The following NIN variants were observed in gnomAD, a reference collection of about 807,000 sequenced individuals.
NIN encodes ninein, also known as glycogen synthase kinase 3 beta-interacting protein.
NIN carries 137 observed loss-of-function variants against 257.6 expected under a neutral mutation model. That is an observed-to-expected ratio of 0.53 (90% CI 0.46 to 0.61). NIN has a LOEUF of 0.61. Ranked by LOEUF, NIN falls within the 20% of genes least tolerant of loss-of-function variation. NIN has a pLI of 0.00. For synonymous variants in NIN, 918 were observed against 919.8 expected (o/e 1.00, Z 0.04); for missense variants, 2,439 against 2,501.2 (o/e 0.98, Z 0.53).
At position 50,792,953 on chromosome 14, in the gene NIN, C is replaced by T. The variant is rs539077910; in HGVS notation, c.266-72G>A. On this transcript the variant is annotated intron_variant, in intron 4 of 30. Coordinates refer to ENST00000530997, the MANE Select transcript of NIN (RefSeq NM_020921.4). The stretch of plus-strand genomic sequence containing the variant: ...GTTCTTAGCTGCCACTCACAGCCAT[C>T]GGACACAGCCTCTTATACCAACCTC... 1.7e-4 allele frequency: 246 copies of T among 1,490,184 alleles called. No individual in the cohort carries two copies. In the African/African-American group the frequency reaches 2.7e-3, roughly 16 times the overall value. 92.3% of individuals were successfully genotyped at this position (1,490,184 alleles called of 1,614,324 possible).
chr14:50,728,604 A>G lies in NIN; in HGVS notation c.6078+919T>C, dbSNP rs2040532171. On this transcript the variant is annotated intron_variant, in intron 29 of 30. Coordinates refer to ENST00000530997, the MANE Select transcript of NIN (RefSeq NM_020921.4). ...CTTGTCAAGCATTAACTGAGTGGCAAGGTATCTGAACACACAAGCGCATGC... is the reference window on the plus strand; with the variant it reads ...CTTGTCAAGCATTAACTGAGTGGCAGGGTATCTGAACACACAAGCGCATGC... 5.9e-5 allele frequency among the ~76,000 whole-genome samples: 9 copies of G among 152,358 alleles called. No homozygotes were observed. The South Asian group carries it at 1.7e-3, about 28-fold the overall frequency.
At chr14:50,738,409 G>T in intron 26 of NIN, 123 bp from the exon 27 acceptor site, 1 of 811,382 alleles carries the variant, frequency 1.2e-6, no homozygotes, top group Admixed American at 2.8e-5. Flanking sequence ...TTTCAATCAA[G>T]CCTGTAAATA....
chr14:50,818,575 T>C (rs935442979), intron 3 of NIN, among the ~76,000 whole-genome samples: 3 of 152,172 alleles, frequency 2.0e-5, no homozygotes, highest in East Asian at 3.8e-4. Flanking sequence ...TTCGGTGTCT[T>C]GAGAAGCCCC....
intron 17 of NIN, among the ~76,000 whole-genome samples, chr14:50,759,571 G>A (rs1214089175): frequency 1.3e-5 from 2 of 151,400 alleles, no homozygotes; most frequent in Non-Finnish European, 2.9e-5. Flanking sequence ...TCGGCTCACT[G>A]CAAGCTCCGC....
chr14:50,757,660 CTGTT>C lies in NIN; in HGVS notation c.3366_3369del (p.Thr1123SerfsTer12). 1 of 1,614,158 alleles carries C rather than the reference CTGTT, an allele frequency of 6.2e-7. No homozygotes were observed. Among genetic ancestry groups the C allele is most frequent in the Non-Finnish European group, 8.5e-7 (1 of 1,180,020 alleles). ...GTTCGGTTTTGCTGTAAAAACTGCT[CTGTT>C]TGTTCCGCAGTATTTCCAAAAAACT... On this transcript the variant is annotated frameshift_variant, in exon 18 of 31. Transcript: ENST00000530997. LOFTEE classifies it high-confidence loss of function.
chr14:50,776,043 A>G (rs1046267033), intron 7 of NIN, among the ~76,000 whole-genome samples: 1 of 152,136 alleles, frequency 6.6e-6, no homozygotes, highest in East Asian at 1.9e-4. Context: ...AAATATTTCT[A>G]TTATCTGTTT....
intron 12 of NIN, among the ~76,000 whole-genome samples, chr14:50,767,962 T>C (rs1008868622): frequency 1.3e-5 from 2 of 152,028 alleles, no homozygotes; most frequent in African/African-American, 2.4e-5. Context: ...GTTTATATTA[T>C]AATAACACAT....
chr14:50,772,273 T>A (rs1337551925), intron 9 of NIN, 28 bp downstream of exon 9: 1 of 1,555,592 alleles, frequency 6.4e-7, no homozygotes, highest in Non-Finnish European at 8.8e-7. Context: ...CTCCAGTTTG[T>A]CATTTTTCTC....
At chr14:50,831,288 C>T (rs1246528721), upstream of NIN, among the ~76,000 whole-genome samples, 15 of 151,976 alleles carry the variant, frequency 9.9e-5, no homozygotes, top group African/African-American at 3.6e-4. Flanking sequence ...GCAGACGCGC[C>T]CTCCCGCTCC....
chr14:50,810,884 G>T (rs1029356846), intron 3 of NIN, among the ~76,000 whole-genome samples: 1 of 151,986 alleles, frequency 6.6e-6, no homozygotes, highest in Non-Finnish European at 1.5e-5. Context: ...GGATGGTCTC[G>T]ATCTCCTGAC....
At position 50,724,983 on chromosome 14, in the gene NIN, T is replaced by G. The variant is rs147846741; in HGVS notation, c.6192+970A>C. Among the ~76,000 whole-genome samples the G allele has an allele frequency of 5.6e-3, 853 of 152,330 alleles. 4 individuals carry two copies. Among genetic ancestry groups the G allele is most frequent in the African/African-American group, 0.02 (822 of 41,564 alleles). Reference sequence around the variant, plus strand: ...CGCTTGGCACCTTGTAAGTGCATTCTATATGGGCAGGGGCTTTGTTCACTG... The same window carrying G: ...CGCTTGGCACCTTGTAAGTGCATTCGATATGGGCAGGGGCTTTGTTCACTG... On this transcript the variant is annotated intron_variant, in intron 30 of 30. Transcript: ENST00000530997.
At position 50,722,178 on chromosome 14, in the gene NIN, C is replaced by T. The variant is rs181116003; in HGVS notation, c.*1285G>A. The T allele has an allele frequency of 3.3e-4, 75 of 226,996 alleles. No homozygotes were observed. Among genetic ancestry groups the T allele is most frequent in the African/African-American group, 1.5e-3 (66 of 45,074 alleles). 14.1% of individuals were successfully genotyped at this position (226,996 alleles called of 1,614,324 possible). ...ATAATTGGAAGAAAAAAAAGGTTAC[C>T]GAATCTAAAATGTTGACTGTTCTAT... On this transcript the variant is annotated 3_prime_UTR_variant, in exon 31 of 31. Coordinates refer to ENST00000530997, the MANE Select transcript of NIN (RefSeq NM_020921.4).
At position 50,760,299 on chromosome 14, in the gene NIN, T is replaced by C; in HGVS notation, c.1957A>G (p.Asn653Asp). The C allele has an allele frequency of 1.2e-6, 2 of 1,608,812 alleles. No homozygotes were observed. The highest frequency in any genetic ancestry group is 1.3e-5 in the African/African-American group (1 of 75,036). Reference protein sequence around the residue: ...TVVSCKKAQENMKQRHENETH... With the variant: ...TVVSCKKAQEDMKQRHENETH... ...TCGTTCTCATGCCTTTGCTTCATGTTCTCCTGTGCCTTCTTGCAGCTGACC... is the reference window on the plus strand; with the variant it reads ...TCGTTCTCATGCCTTTGCTTCATGTCCTCCTGTGCCTTCTTGCAGCTGACC... The change falls in exon 17 of 31, where the codon AAC (asparagine) becomes GAC (aspartate). Residue 653 changes from asparagine (N) to aspartate (D), a missense_variant. Coordinates refer to ENST00000530997, the MANE Select transcript of NIN (RefSeq NM_020921.4).
At chr14:50,812,634 AG>A (rs1398561161) in intron 3 of NIN, among the ~76,000 whole-genome samples, 1 of 152,202 alleles carries the variant, frequency 6.6e-6, no homozygotes, top group Admixed American at 6.5e-5. Context: ...AAAAGCTGGT[AG>A]GGGCCTCTGA....
intron 12 of NIN, among the ~76,000 whole-genome samples, chr14:50,768,601 G>C (rs1039720775): frequency 6.6e-6 from 1 of 152,168 alleles, no homozygotes; most frequent in African/African-American, 2.4e-5. Context: ...AGCTGGGGTA[G>C]GTGCAGTGGG....
chr14:50,749,766 T>C (rs1164530898), intron 21 of NIN, among the ~76,000 whole-genome samples: 1 of 152,182 alleles, frequency 6.6e-6, no homozygotes, highest in Non-Finnish European at 1.5e-5. Context: ...CTTGGCTCAC[T>C]GCAGCCTCGA....
At chr14:50,760,515 T>G (rs2042236066) in intron 16 of NIN, among the ~76,000 whole-genome samples, 156 bp from the exon 17 acceptor site, 1 of 149,988 alleles carries the variant, frequency 6.7e-6, no homozygotes, top group African/African-American at 2.5e-5. Flanking sequence ...AATTCAACAC[T>G]TTAAGCAAGA....
rs879169558 is a variant in NIN, at chr14:50,766,698, TCTGGTGGCATTGCTC to T, written c.1545+67_1545+81del. ...CCCAGTAATTGCCTAATAAAAATGT[TCTGGTGGCATTGCTC>T]CTGTTCTTTTGAGTAAACTACATAA... On this transcript the variant is annotated intron_variant, in intron 13 of 30. Transcript: ENST00000530997. 4.8e-4 allele frequency: 441 copies of T among 928,350 alleles called. 3 individuals are homozygous for T. The South Asian group carries it at 5.3e-3, about 11-fold the overall frequency. 57.5% of individuals were successfully genotyped at this position (928,350 alleles called of 1,614,324 possible).
intron 3 of NIN, among the ~76,000 whole-genome samples, chr14:50,811,585 G>A (rs1263981510): frequency 9.4e-6 from 1 of 106,458 alleles, no homozygotes; most frequent in East Asian, 2.6e-4. Flanking sequence ...ACCATTAAAT[G>A]GGGCAAAAGA....
Sources: allele counts gnomAD v4.1 joint callset (sites outside exome capture counted in the v4.1 genomes callset), GRCh38; gene constraint gnomAD v4.1.1; transcripts MANE v1.5; gene names NCBI Gene and HGNC (gene_info 2026-07-23, HGNC 2026-07-21).